The following SP100 variants were observed in gnomAD, a reference collection of about 807,000 sequenced individuals.
SP100 encodes nuclear autoantigen Sp-100.
In SP100, 84 loss-of-function variants were observed where a neutral mutation model predicts 130.0. The ratio of observed to expected loss-of-function variants is 0.65; its 90% CI spans 0.54 to 0.77. SP100 has a LOEUF of 0.77. Among genes scored for constraint, SP100 ranks in the 30% least tolerant of loss-of-function variants. The pLI is 0.00. For synonymous variants in SP100, 331 were observed against 351.7 expected, an observed-to-expected ratio of 0.94 and a Z score of 0.66; for missense variants, 978 against 1,052.2, an observed-to-expected ratio of 0.93 and a Z score of 0.97.
chr2:230,468,558 A>G (rs1426142478), intron 13 of SP100, among the ~76,000 whole-genome samples: 1 of 141,710 alleles, frequency 7.1e-6, no homozygotes. Flanking sequence ...TAATCCCAAC[A>G]CTTTGGGAGG....
chr2:230,536,560 C>T (rs1280628938), intron 24 of SP100, among the ~76,000 whole-genome samples: 2 of 152,142 alleles, frequency 1.3e-5, no homozygotes, highest in Admixed American at 6.6e-5. Flanking sequence ...AGATGCCAAA[C>T]TCCTCACCCC....
At chr2:230,511,628 G>A (rs1690593751) in intron 24 of SP100, among the ~76,000 whole-genome samples, 1 of 150,060 alleles carries the variant, frequency 6.7e-6, no homozygotes, top group African/African-American at 2.5e-5. Flanking sequence ...TGAGTTCGAG[G>A]TATGGACTCT....
rs1691136160 is a variant in SP100, at chr2:230,520,756, G to C, written c.2094+9590G>C. 2.0e-5 allele frequency: 3 copies of C among 152,232 alleles called. No individual in the cohort carries two copies. The South Asian group carries it at 6.2e-4, about 31-fold the overall frequency. 9.4% of individuals were successfully genotyped at this position (152,232 alleles called of 1,614,324 possible). On this transcript the variant is annotated intron_variant, in intron 24 of 28. Transcript: ENST00000340126. ...CCCAAGAAAACACACCAACAAAGTT[G>C]AGAGTGTTCCAGAGTCTGTTACAAG...
At chr2:230,430,892 G>A (rs1476749317) in intron 2 of SP100, among the ~76,000 whole-genome samples, 1 of 152,212 alleles carries the variant, frequency 6.6e-6, no homozygotes, top group Non-Finnish European at 1.5e-5. Flanking sequence ...CTGTAGTTAG[G>A]CAGGGTGGCT....
At chr2:230,432,931 T>C (rs945886305) in intron 2 of SP100, among the ~76,000 whole-genome samples, 1 of 152,208 alleles carries the variant, frequency 6.6e-6, no homozygotes, top group African/African-American at 2.4e-5. Flanking sequence ...AGATTTTTCC[T>C]GTGTTTTCTT....
At chr2:230,507,335 A>C (rs1660730695) in intron 22 of SP100, 1 of 152,276 alleles carries the variant, frequency 6.6e-6, no homozygotes, top group Non-Finnish European at 1.5e-5. Context: ...GCACCTGTCG[A>C]TAGGCACTGC....
chr2:230,468,790 C>G (rs1649871), intron 13 of SP100: 1 of 223,548 alleles, frequency 4.5e-6, no homozygotes, highest in Non-Finnish European at 8.1e-6. Flanking sequence ...TGCCCTCCAG[C>G]TTGGCTGACA....
intron 24 of SP100, among the ~76,000 whole-genome samples, chr2:230,526,095 T>A (rs962817060): frequency 2.6e-5 from 4 of 152,206 alleles, no homozygotes; most frequent in African/African-American, 9.6e-5. Context: ...ATGGACAGAC[T>A]GCCTCCTCAA....
intron 7 of SP100, 142 bp downstream of exon 7, chr2:230,449,852 T>A: frequency 1.1e-6 from 1 of 881,140 alleles, no homozygotes; most frequent in Non-Finnish European, 1.8e-6. Flanking sequence ...GGGCCTGTTA[T>A]ACAGATGAGC....
chr2:230,510,989 A>G (rs1690547910), intron 23 of SP100, 136 bp from the exon 24 acceptor site: 1 of 705,542 alleles, frequency 1.4e-6, no homozygotes, highest in Admixed American at 2.3e-5. Context: ...TTAGATGTAC[A>G]GGTCCATAAA....
Position 230,449,637 on chromosome 2 carries a change from A to G in SP100, c.663A>G (p.Thr221=). Residue 221 remains threonine (T), a synonymous_variant, in exon 7 of 29, where the codon ACA becomes ACG. Coordinates refer to ENST00000340126, the MANE Select transcript of SP100 (RefSeq NM_001080391.2). The part of the protein sequence containing the change: ...TEQINAKRKD[T]TSDKDDSLGS... ...AGATAAATGCAAAGAGAAAAGATAC[A>G]ACCAGTGACAAAGATGATTCGCTAG... 1 of 1,614,156 alleles carries G rather than the reference A, an allele frequency of 6.2e-7. No individual in the cohort carries two copies. The highest frequency in any genetic ancestry group is 1.1e-5 in the South Asian group (1 of 91,084).
chr2:230,464,967 G>C (rs1277086896), intron 11 of SP100, among the ~76,000 whole-genome samples: 1 of 152,142 alleles, frequency 6.6e-6, no homozygotes, highest in East Asian at 1.9e-4. Context: ...GCCGGGTGCA[G>C]TGGCTTACTC....
At chr2:230,526,193 G>C (rs768432291) in intron 24 of SP100, among the ~76,000 whole-genome samples, 1 of 152,178 alleles carries the variant, frequency 6.6e-6, no homozygotes, top group Admixed American at 6.5e-5. Context: ...TGCCCCTCCG[G>C]GATGAACCTT....
chr2:230,528,680 G>A (rs1384258754), intron 24 of SP100, among the ~76,000 whole-genome samples: 1 of 152,082 alleles, frequency 6.6e-6, no homozygotes, highest in Non-Finnish European at 1.5e-5. Context: ...TAGACCACTA[G>A]CAAGACTAGT....
intron 24 of SP100, among the ~76,000 whole-genome samples, chr2:230,522,812 T>C (rs918003842): frequency 1.3e-5 from 2 of 151,780 alleles, no homozygotes; most frequent in African/African-American, 4.8e-5. Context: ...TTTTAAAAAA[T>C]ATTTTTTACT....
chr2:230,436,505 G>A (rs1242074056), intron 2 of SP100, among the ~76,000 whole-genome samples: 1 of 152,030 alleles, frequency 6.6e-6, no homozygotes, highest in African/African-American at 2.4e-5. Flanking sequence ...GCCTTCACCT[G>A]GCACTTCTCC....
intron 24 of SP100, among the ~76,000 whole-genome samples, chr2:230,512,142 C>T (rs1331473138): frequency 6.6e-6 from 1 of 152,080 alleles, no homozygotes; most frequent in Non-Finnish European, 1.5e-5. Context: ...GCTAGGATTA[C>T]AGGCATGAGC....
intron 24 of SP100, among the ~76,000 whole-genome samples, chr2:230,532,680 GT>G (rs1343625403): frequency 6.6e-6 from 1 of 152,196 alleles, no homozygotes; most frequent in Non-Finnish European, 1.5e-5. Flanking sequence ...TACCTAATCA[GT>G]TGTCAGTATT....
intron 27 of SP100, 32 bp downstream of exon 27, chr2:230,541,404 T>G (rs370270507): frequency 2.6e-6 from 4 of 1,556,530 alleles, no homozygotes; most frequent in African/African-American, 1.4e-5. Context: ...ATGCTTATAC[T>G]GGCATTTGTC....
Sources: gnomAD v4.1 joint callset for allele counts (sites outside exome capture counted in the v4.1 genomes callset) on GRCh38, gnomAD v4.1.1 for gene constraint, MANE v1.5 for transcripts, NCBI Gene and HGNC (gene_info 2026-07-23, HGNC 2026-07-21) for gene names.